ARMH4: variants seen among roughly 807,000 people sequenced by gnomAD.
The protein encoded by ARMH4 is armadillo like helical domain containing 4.
In ARMH4, 49 loss-of-function variants were observed where a neutral mutation model predicts 61.9. The ratio of observed to expected loss-of-function variants is 0.79; its 90% CI spans 0.63 to 1.00. ARMH4 has a LOEUF of 1.00. Ranked by LOEUF, ARMH4 falls within the 50% of genes least tolerant of loss-of-function variation. The pLI is 0.00. For synonymous variants in ARMH4, 368 were observed against 341.5 expected (o/e 1.08, Z -0.85); for missense variants, 934 against 930.0 (o/e 1.00, Z -0.06).
At chr14:58,039,025 G>A (rs904760461) in intron 5 of ARMH4, among the ~76,000 whole-genome samples, 1 of 152,156 alleles carries the variant, frequency 6.6e-6, no homozygotes, top group African/African-American at 2.4e-5. Context: ...TACCACATTT[G>A]TGCAGTGTCC....
In ARMH4 at chr14:58,074,385, T is replaced by G. The variant is rs147560067; in HGVS notation, c.2089+22339A>C. ...TGTAATCTACTGTTAAACTATTCCTTATCCTGATATGAATTATATTCATTA... is the reference window on the plus strand; with the variant it reads ...TGTAATCTACTGTTAAACTATTCCTGATCCTGATATGAATTATATTCATTA... On this transcript the variant is annotated intron_variant, in intron 5 of 7. Transcript: ENST00000267485. Among the ~76,000 whole-genome samples the G allele has an allele frequency of 5.0e-4, 76 of 152,280 alleles. 2 individuals are homozygous for G. In the East Asian group the frequency reaches 0.014, roughly 28 times the overall value.
chr14:58,076,306 C>A (rs1179255368), intron 5 of ARMH4, among the ~76,000 whole-genome samples: 1 of 152,186 alleles, frequency 6.6e-6, no homozygotes, highest in South Asian at 2.1e-4. Flanking sequence ...ATAAATGACC[C>A]TTTAGGTCTT....
At chr14:58,030,829 T>C (rs1883202529) in intron 5 of ARMH4, among the ~76,000 whole-genome samples, 1 of 152,248 alleles carries the variant, frequency 6.6e-6, no homozygotes, top group Non-Finnish European at 1.5e-5. Flanking sequence ...CCTTCCTTTT[T>C]ATGGATGAAT....
intron 4 of ARMH4, among the ~76,000 whole-genome samples, chr14:58,116,748 T>C (rs559941511): frequency 1.7e-4 from 26 of 152,232 alleles, no homozygotes; most frequent in Non-Finnish European, 3.4e-4. Context: ...AGGATTCTGC[T>C]CTTGACAATG....
intron 5 of ARMH4, among the ~76,000 whole-genome samples, chr14:58,083,389 G>A (rs1365343825): frequency 6.6e-6 from 1 of 152,128 alleles, no homozygotes; most frequent in Non-Finnish European, 1.5e-5. Context: ...AGACCAGCTT[G>A]GCCAATATAG....
chr14:58,143,108 T>C (rs539195873), intron 1 of ARMH4, among the ~76,000 whole-genome samples: 1 of 152,254 alleles, frequency 6.6e-6, no homozygotes, highest in South Asian at 2.1e-4. Flanking sequence ...ACTCCCAAAT[T>C]CATGATGCAT....
intron 4 of ARMH4, among the ~76,000 whole-genome samples, chr14:58,107,683 G>A (rs547689306): frequency 6.7e-6 from 1 of 148,202 alleles, no homozygotes; most frequent in East Asian, 2.0e-4. Flanking sequence ...AGAATCGCTT[G>A]AACCCAGTAG....
chr14:58,004,672 C>A lies in ARMH4; in HGVS notation c.*64G>T. On this transcript the variant is annotated 3_prime_UTR_variant, in exon 8 of 8. Transcript: ENST00000267485. ...GTGGCAGGTTGTTCTTTTTTTTTTT[C>A]TGCTCCAAAATAAAAATTAGAATAG... is the stretch of plus-strand genomic sequence containing the variant. The A allele has an allele frequency of 8.1e-7, 1 of 1,237,046 alleles. No individual in the cohort carries two copies. Among genetic ancestry groups the A allele is most frequent in the Non-Finnish European group, 1.1e-6 (1 of 884,016 alleles). 76.6% of individuals were successfully genotyped at this position (1,237,046 alleles called of 1,614,324 possible). A position where few individuals can be genotyped will look rare whatever the true frequency, so the allele number is the denominator to read the frequency against.
At position 58,139,128 on chromosome 14, in the gene ARMH4, C is replaced by CTGA; in HGVS notation, c.230_231insTCA (p.Met77delinsIleGln). On this transcript the variant is annotated protein_altering_variant, in exon 2 of 8. Transcript: ENST00000267485. The stretch of plus-strand genomic sequence containing the variant: ...ATGATGTTGCCGATGGTACTGCTGA[C>CTGA]ATCATCATTGGATCTTCAGAGACCA... 6.2e-7 allele frequency: 1 copy of CTGA among 1,614,248 alleles called. No individual in the cohort carries two copies.
chr14:58,049,737 G>C (rs1884070814), intron 5 of ARMH4, among the ~76,000 whole-genome samples: 1 of 152,074 alleles, frequency 6.6e-6, no homozygotes, highest in South Asian at 2.1e-4. Flanking sequence ...ATAAACAAAG[G>C]CATTAATTAG....
At chr14:58,041,444 A>G (rs1883699797) in intron 5 of ARMH4, among the ~76,000 whole-genome samples, 2 of 152,178 alleles carry the variant, frequency 1.3e-5, no homozygotes, top group Admixed American at 6.5e-5. Context: ...CCTGAAGGGA[A>G]CACTAAACAT....
At chr14:58,145,199 C>CCCTTCAAA (rs556061174) in intron 1 of ARMH4, among the ~76,000 whole-genome samples, 2,176 of 151,868 alleles carry the variant, frequency 0.014, 21 homozygotes, top group Non-Finnish European at 0.021. Context: ...CTTGGGCTGG[C>CCCTTCAAA]ATCAGAAAAA....
intron 1 of ARMH4, among the ~76,000 whole-genome samples, 158 bp from the exon 2 acceptor site, chr14:58,139,572 T>C (rs1051792627): frequency 2.0e-5 from 3 of 152,244 alleles, no homozygotes; most frequent in Admixed American, 6.5e-5. Context: ...CTTTGAGACA[T>C]GGATAACCCA....
At chr14:58,073,759 C>A (rs1355688904) in intron 5 of ARMH4, among the ~76,000 whole-genome samples, 2 of 152,132 alleles carry the variant, frequency 1.3e-5, no homozygotes, top group African/African-American at 4.8e-5. Context: ...AGGAAACCAC[C>A]CGGAAGCCCT....
At chr14:58,047,739 G>T (rs1210868093) in intron 5 of ARMH4, among the ~76,000 whole-genome samples, 4 of 152,208 alleles carry the variant, frequency 2.6e-5, no homozygotes, top group African/African-American at 7.2e-5. Flanking sequence ...CTGAGGCAAT[G>T]AATCCAGGTT....
At chr14:58,072,692 A>C (rs1884921670) in intron 5 of ARMH4, among the ~76,000 whole-genome samples, 1 of 151,994 alleles carries the variant, frequency 6.6e-6, no homozygotes, top group South Asian at 2.1e-4. Flanking sequence ...ACTGCATTCT[A>C]GCCTGCGCAA....
intron 4 of ARMH4, 79 bp from the exon 5 acceptor site, chr14:58,097,060 C>A: frequency 1.4e-6 from 2 of 1,412,112 alleles, no homozygotes; most frequent in Non-Finnish European, 9.8e-7. Context: ...GGAAATGATC[C>A]AAACACTACA....
At chr14:58,017,155 A>C (rs897462821) in intron 5 of ARMH4, among the ~76,000 whole-genome samples, 2 of 152,100 alleles carry the variant, frequency 1.3e-5, no homozygotes, top group East Asian at 3.9e-4. Context: ...GTCTCTACAA[A>C]AAATACAAAA....
intron 5 of ARMH4, among the ~76,000 whole-genome samples, chr14:58,015,740 G>T (rs940938253): frequency 3.8e-5 from 5 of 131,266 alleles, no homozygotes; most frequent in African/African-American, 1.4e-4. Context: ...AAATTATAAA[G>T]AAATATTTTT....
Sources: gnomAD v4.1 joint callset for allele counts (sites outside exome capture counted in the v4.1 genomes callset) on GRCh38, gnomAD v4.1.1 for gene constraint, MANE v1.5 for transcripts, NCBI Gene and HGNC (gene_info 2026-07-23, HGNC 2026-07-21) for gene names.